GLT1D1: variants seen among roughly 807,000 people sequenced by gnomAD.
The protein encoded by GLT1D1 is glycosyltransferase 1 domain containing 1.
Under a neutral mutation model 28.7 loss-of-function variants are expected in GLT1D1, and 21 were observed. The observed-to-expected ratio is 0.73, with a 90% CI of 0.52 to 1.05. The LOEUF (loss-of-function observed/expected upper bound fraction) is 1.05, where lower values mean the gene tolerates loss of function less well. Among genes scored for constraint, GLT1D1 ranks in the 50% least tolerant of loss-of-function variants. The pLI, the probability that GLT1D1 is intolerant of heterozygous loss-of-function variation, is 0.00. For missense variants in GLT1D1, 343 were observed against 330.6 expected (o/e 1.04, Z -0.29); for synonymous variants, 147 against 124.8 (o/e 1.18, Z -1.19).
chr12:128,856,607 C>T (rs1274984452), intron 1 of GLT1D1, among the ~76,000 whole-genome samples: 1 of 152,048 alleles, frequency 6.6e-6, no homozygotes, highest in African/African-American at 2.4e-5. Flanking sequence ...AACACAGGTC[C>T]TGAGCTGTGT....
At chr12:128,940,727 G>A (rs914578406) in intron 4 of GLT1D1, among the ~76,000 whole-genome samples, 6 of 152,184 alleles carry the variant, frequency 3.9e-5, no homozygotes, top group Admixed American at 6.5e-5. Flanking sequence ...TGCAAAGCAG[G>A]AGTCAAGTCG....
At chr12:128,943,488 T>C (rs182618073) in intron 4 of GLT1D1, among the ~76,000 whole-genome samples, 32 of 152,232 alleles carry the variant, frequency 2.1e-4, no homozygotes, top group African/African-American at 7.7e-4. Flanking sequence ...TCTGAAAACA[T>C]ATAGATTTTA....
intron 7 of GLT1D1, among the ~76,000 whole-genome samples, chr12:128,975,008 C>G (rs1656452271): frequency 6.6e-6 from 1 of 150,554 alleles, no homozygotes; most frequent in Non-Finnish European, 1.5e-5. Context: ...GCTTTCTCAC[C>G]TGCTGGCTTT....
At chr12:128,945,205 G>C (rs58220371) in intron 4 of GLT1D1, 121 bp from the exon 9 acceptor site, 1 of 994,414 alleles carries the variant, frequency 1.0e-6, no homozygotes, top group South Asian at 1.3e-5. Flanking sequence ...GGACACCCCC[G>C]TGGCCGCAGA....
intron 4 of GLT1D1, 149 bp downstream of exon 8, chr12:128,927,303 A>T: frequency 3.3e-6 from 2 of 597,016 alleles, no homozygotes; most frequent in Non-Finnish European, 5.8e-6. Context: ...CAGTGGCGTG[A>T]TCTCGGCTCA....
At chr12:128,899,466 C>T (rs1869999276) in intron 4 of GLT1D1, among the ~76,000 whole-genome samples, 179 bp downstream of exon 4, 1 of 151,030 alleles carries the variant, frequency 6.6e-6, no homozygotes, top group Admixed American at 6.6e-5. Flanking sequence ...CTAAAACGTC[C>T]CTGATATTTT....
chr12:128,973,893 TGTGTGTGTAGGGGGTGTGTGTAGGGG>T (rs1276393856), intron 7 of GLT1D1, among the ~76,000 whole-genome samples: 3 of 76,718 alleles, frequency 3.9e-5, no homozygotes, highest in Admixed American at 1.3e-4. Flanking sequence ...GTGTAGGGGG[TGTGTGTGTAGGGGGTGTGTGTAGGGG>T]GTGTGTGTGT....
intron 2 of GLT1D1, 44 bp from the exon 3 acceptor site, chr12:128,888,594 GT>G: frequency 7.4e-7 from 1 of 1,358,886 alleles, no homozygotes; most frequent in Non-Finnish European, 1.0e-6. Flanking sequence ...GGTGAAGGCT[GT>G]TTTTAGGGCT....
chr12:128,934,910 T>G (rs470743), intron 4 of GLT1D1, among the ~76,000 whole-genome samples: 1 of 142,888 alleles, frequency 7.0e-6, no homozygotes, highest in African/African-American at 2.6e-5. Flanking sequence ...TCTTCAAGGA[T>G]GGGGTCCAGG....
At chr12:128,868,153 T>G (rs1956593694) in intron 1 of GLT1D1, among the ~76,000 whole-genome samples, 1 of 152,216 alleles carries the variant, frequency 6.6e-6, no homozygotes, top group African/African-American at 2.4e-5. Context: ...TCCACTTATC[T>G]CCGTCTCCTG....
intron 4 of GLT1D1, among the ~76,000 whole-genome samples, chr12:128,917,378 C>A (rs538113914): frequency 6.6e-6 from 1 of 152,128 alleles, no homozygotes; most frequent in Non-Finnish European, 1.5e-5. Flanking sequence ...TGGCTTCAAG[C>A]GATTCTCCTG....
intron 3 of GLT1D1, among the ~76,000 whole-genome samples, chr12:128,898,128 T>C (rs1478576592): frequency 6.6e-6 from 1 of 152,170 alleles, no homozygotes; most frequent in Non-Finnish European, 1.5e-5. Flanking sequence ...ATTCTTCTTC[T>C]TCTTCCTCTT....
intron 1 of GLT1D1, among the ~76,000 whole-genome samples, chr12:128,871,219 T>C (rs947904769): frequency 1.3e-5 from 2 of 152,208 alleles, no homozygotes; most frequent in Non-Finnish European, 2.9e-5. Context: ...TATTCAACCA[T>C]GGTCAGAAGC....
chr12:128,959,421 C>G (rs56396305), intron 7 of GLT1D1, among the ~76,000 whole-genome samples: 125 of 9,730 alleles, frequency 0.013, no homozygotes, highest in Non-Finnish European at 0.013. Flanking sequence ...TGGGGGGGGA[C>G]GGGTGGGGAG....
chr12:128,923,667 G>A (rs1402852778), intron 4 of GLT1D1, among the ~76,000 whole-genome samples: 2 of 151,896 alleles, frequency 1.3e-5, no homozygotes, highest in Non-Finnish European at 2.9e-5. Flanking sequence ...GATTACAAGT[G>A]CCTGCTACCA....
At chr12:128,907,954 TA>T (rs1291406509) in intron 4 of GLT1D1, among the ~76,000 whole-genome samples, 1 of 152,324 alleles carries the variant, frequency 6.6e-6, no homozygotes, top group Non-Finnish European at 1.5e-5. Flanking sequence ...TTTAATTGTT[TA>T]AAAAAACAAA....
intron 3 of GLT1D1, among the ~76,000 whole-genome samples, chr12:128,898,448 A>G (rs991182933): frequency 1.3e-5 from 2 of 152,198 alleles, no homozygotes; most frequent in African/African-American, 2.4e-5. Context: ...AAGTATTGGG[A>G]TTACAAGTGT....
chr12:128,944,365 A>G, intron 4 of GLT1D1: 1 of 896,836 alleles, frequency 1.1e-6, no homozygotes, highest in Non-Finnish European at 1.8e-6. Flanking sequence ...TGTTCTGGAG[A>G]ATGTTTCCAA....
At chr12:128,906,849 T>C in intron 4 of GLT1D1, 1 of 699,698 alleles carries the variant, frequency 1.4e-6, no homozygotes, top group Non-Finnish European at 2.6e-6. Flanking sequence ...AAACCTAAAG[T>C]GTAATTTTAC....
Sources: allele counts gnomAD v4.1 joint callset (sites outside exome capture counted in the v4.1 genomes callset), GRCh38; gene constraint gnomAD v4.1.1; transcripts MANE v1.5; gene names NCBI Gene and HGNC (gene_info 2026-07-23, HGNC 2026-07-21).